The following MAGI2 variants were observed in gnomAD, a reference collection of about 807,000 sequenced individuals.
MAGI2 encodes the protein membrane associated guanylate kinase, WW and PDZ domain containing 2.
Under a neutral mutation model 133.3 loss-of-function variants are expected in MAGI2, and 35 were observed. That is an observed-to-expected ratio of 0.26 (90% CI 0.20 to 0.35). The LOEUF (loss-of-function observed/expected upper bound fraction) is 0.35, where lower values mean the gene tolerates loss of function less well. Among genes scored for constraint, MAGI2 ranks in the 10% least tolerant of loss-of-function variants. The pLI, the probability that MAGI2 is intolerant of heterozygous loss-of-function variation, is 1.00. For missense variants in MAGI2, 1,636 were observed against 1,863.4 expected, an observed-to-expected ratio of 0.88 and a Z score of 2.25; for synonymous variants, 729 against 710.6, an observed-to-expected ratio of 1.03 and a Z score of -0.41.
chr7:78,773,187 C>T (rs1320736671), intron 2 of MAGI2, among the ~76,000 whole-genome samples: 2 of 152,134 alleles, frequency 1.3e-5, no homozygotes, highest in Non-Finnish European at 2.9e-5. Context: ...ATATCCAATA[C>T]AGACACAACT....
At chr7:78,997,682 C>A (rs749711097) in intron 2 of MAGI2, among the ~76,000 whole-genome samples, 8 of 151,386 alleles carry the variant, frequency 5.3e-5, no homozygotes, top group Non-Finnish European at 8.8e-5. Flanking sequence ...ATCAGTCTTA[C>A]CTTTTAATTA....
intron 2 of MAGI2, among the ~76,000 whole-genome samples, chr7:78,996,630 C>G (rs1331933836): frequency 6.6e-6 from 1 of 152,020 alleles, no homozygotes; most frequent in Non-Finnish European, 1.5e-5. Context: ...ACTTATGTAA[C>G]AAAACGGCAC....
chr7:78,805,118 A>G (rs1328795048), intron 2 of MAGI2, among the ~76,000 whole-genome samples: 2 of 152,122 alleles, frequency 1.3e-5, no homozygotes, highest in East Asian at 3.9e-4. Flanking sequence ...AAAAATTGAC[A>G]TATCACCTCA....
At chr7:79,445,271 T>A (rs911078129) in intron 1 of MAGI2, among the ~76,000 whole-genome samples, 8 of 152,138 alleles carry the variant, frequency 5.3e-5, no homozygotes, top group Non-Finnish European at 8.8e-5. Flanking sequence ...ACTTCATGTC[T>A]AAAACACCAA....
intron 3 of MAGI2, among the ~76,000 whole-genome samples, chr7:78,598,385 T>G (rs1804840016): frequency 6.6e-6 from 1 of 151,026 alleles, no homozygotes; most frequent in African/African-American, 2.4e-5. Flanking sequence ...AAGAGAGGAG[T>G]CCAGGAAGAA....
intron 1 of MAGI2, among the ~76,000 whole-genome samples, chr7:79,254,406 A>C (rs528277469): frequency 6.6e-6 from 1 of 152,310 alleles, no homozygotes. Context: ...TATAGCCTCC[A>C]AATTTATTGA....
At chr7:79,028,308 TATATAC>T (rs1216165625) in intron 1 of MAGI2, among the ~76,000 whole-genome samples, 1 of 77,564 alleles carries the variant, frequency 1.3e-5, no homozygotes, top group African/African-American at 4.7e-5. Context: ...TATATATATA[TATATAC>T]ACACATATAT....
At chr7:78,889,527 C>T (rs188553578) in intron 2 of MAGI2, among the ~76,000 whole-genome samples, 2 of 152,206 alleles carry the variant, frequency 1.3e-5, no homozygotes, top group Non-Finnish European at 2.9e-5. Context: ...AACAGTGGAT[C>T]TCTCAGCAGA....
At chr7:79,090,408 T>G (rs577294911) in intron 1 of MAGI2, among the ~76,000 whole-genome samples, 1 of 152,260 alleles carries the variant, frequency 6.6e-6, no homozygotes, top group Admixed American at 6.6e-5. Flanking sequence ...ACACTATTCT[T>G]CAACCATTTA....
At chr7:78,033,335 C>T (rs375676480) in intron 21 of MAGI2, among the ~76,000 whole-genome samples, 8 of 151,530 alleles carry the variant, frequency 5.3e-5, no homozygotes, top group East Asian at 2.0e-4. Context: ...TAGCTGGGTG[C>T]GGTGGTGGGT....
At chr7:78,966,801 G>A (rs1223385750) in intron 2 of MAGI2, among the ~76,000 whole-genome samples, 6 of 145,226 alleles carry the variant, frequency 4.1e-5, no homozygotes, top group African/African-American at 1.5e-4. Context: ...TAGCATATGA[G>A]TTTTCAGATT....
chr7:79,219,593 G>A (rs1830285038), intron 1 of MAGI2, among the ~76,000 whole-genome samples: 1 of 151,900 alleles, frequency 6.6e-6, no homozygotes, highest in Non-Finnish European at 1.5e-5. Flanking sequence ...TTTGAATTTG[G>A]TTATAAAAAA....
chr7:79,411,832 G>A (rs1846163430), intron 1 of MAGI2: 1 of 151,728 alleles, frequency 6.6e-6, no homozygotes, highest in Non-Finnish European at 1.5e-5. Flanking sequence ...CATAAATGGT[G>A]TATAAATACC....
chr7:78,091,052 ATGTGTG>A (rs3084764), intron 20 of MAGI2, among the ~76,000 whole-genome samples: 5,354 of 150,110 alleles, frequency 0.036, 108 homozygotes, highest in East Asian at 0.068. Flanking sequence ...ATGTGTGTGT[ATGTGTG>A]TGTGTGTGTG....
chr7:78,893,873 T>C (rs1369325743), intron 2 of MAGI2, among the ~76,000 whole-genome samples: 27 of 152,066 alleles, frequency 1.8e-4, no homozygotes, highest in Non-Finnish European at 1.5e-5. Context: ...ACTTAAAGTA[T>C]AATAATAATA....
At position 78,795,699 on chromosome 7, in the gene MAGI2, T is replaced by A. The variant is rs1787546736; in HGVS notation, c.419-168460A>T. On this transcript the variant is annotated intron_variant, in intron 2 of 21. Coordinates refer to ENST00000354212, the MANE Select transcript of MAGI2 (RefSeq NM_012301.4). ...AAAAGGCTCCAAATAGGCAAAGGAA[T>A]TCTGAGCATCTGGAGGCATCACATT... is the stretch of plus-strand genomic sequence containing the variant. Among the ~76,000 whole-genome samples, 5 of 151,960 alleles carry A rather than the reference T, an allele frequency of 3.3e-5. No homozygotes were observed. The South Asian group carries it at 1.0e-3, about 31-fold the overall frequency.
chr7:78,143,951 CTT>C (rs1349372012), intron 16 of MAGI2, among the ~76,000 whole-genome samples: 3 of 146,354 alleles, frequency 2.0e-5, no homozygotes, highest in Non-Finnish European at 4.5e-5. Flanking sequence ...GCCACAGACT[CTT>C]TTGTTTCTGT....
chr7:78,135,208 T>TA lies in MAGI2; in HGVS notation c.2846-3dup, dbSNP rs1563166714. The TA allele has an allele frequency of 2.5e-6, 4 of 1,613,440 alleles. No homozygotes were observed. Among genetic ancestry groups the TA allele is most frequent in the Middle Eastern group, 1.7e-4 (1 of 6,058 alleles). On this transcript the variant is annotated splice_polypyrimidine_tract_variant and splice_region_variant and intron_variant, in intron 16 of 21. Transcript: ENST00000354212. ...TGCGTCCGATTTTATGGGGCACAGC[T>TA]AAAAAAACCCCAACAGAAATAGGTA...
chr7:78,254,797 A>G (rs1448125165), intron 10 of MAGI2: 2 of 152,174 alleles, frequency 1.3e-5, no homozygotes, highest in African/African-American at 4.8e-5. Context: ...AGGCAACCAC[A>G]TGTTTGTCAC....
Sources: allele counts gnomAD v4.1 joint callset (sites outside exome capture counted in the v4.1 genomes callset), GRCh38; gene constraint gnomAD v4.1.1; transcripts MANE v1.5; gene names NCBI Gene and HGNC (gene_info 2026-07-23, HGNC 2026-07-21).